PADI4: variants seen among roughly 807,000 people sequenced by gnomAD.
PADI4 encodes protein-arginine deiminase type-4.
Under a neutral mutation model 75.0 loss-of-function variants are expected in PADI4, and 62 were observed. The observed-to-expected ratio is 0.83, with a 90% confidence interval of 0.67 to 1.02. PADI4 has a LOEUF of 1.02. PADI4 is among the 50% of genes least tolerant of loss of function. PADI4 has a pLI of 0.00. For synonymous variants in PADI4, 361 were observed against 348.1 expected, an observed-to-expected ratio of 1.04 and a Z score of -0.41; for missense variants, 845 against 850.5, an observed-to-expected ratio of 0.99 and a Z score of 0.08.
At chr1:17,361,873 CAG>C (rs2074852691) in intron 15 of PADI4, among the ~76,000 whole-genome samples, 1 of 152,174 alleles carries the variant, frequency 6.6e-6, no homozygotes, top group South Asian at 2.1e-4. Context: ...GTCTAGTCAA[CAG>C]ATGTTTATTG....
intron 5 of PADI4, among the ~76,000 whole-genome samples, chr1:17,339,254 A>G (rs943811871): frequency 3.3e-5 from 5 of 152,140 alleles, no homozygotes; most frequent in African/African-American, 1.2e-4. Context: ...CTATTGTTCA[A>G]GTTGGTTCAC....
chr1:17,351,933 T>C (rs112815844), intron 10 of PADI4, among the ~76,000 whole-genome samples: 1,922 of 138,674 alleles, frequency 0.014, 67 homozygotes, highest in African/African-American at 0.044. Flanking sequence ...GGAGAGGCGG[T>C]CAGGGAGGTG....
chr1:17,321,304 A>G (rs1490584140), intron 1 of PADI4, among the ~76,000 whole-genome samples: 3 of 152,176 alleles, frequency 2.0e-5, no homozygotes, highest in Non-Finnish European at 4.4e-5. Flanking sequence ...CAGTCTGACC[A>G]TAGCACAGGG....
intron 1 of PADI4, among the ~76,000 whole-genome samples, chr1:17,321,209 A>T (rs1052628572): frequency 2.0e-5 from 3 of 152,154 alleles, no homozygotes; most frequent in Non-Finnish European, 2.9e-5. Flanking sequence ...GTGGGAAGGG[A>T]GAGCCCTCCA....
rs780300532 is a variant in PADI4 at position 17,336,209 on chromosome 1, A to G, written c.391A>G (p.Arg131Gly). The change falls in exon 4 of 16, where the codon AGA becomes GGA. Residue 131 changes from arginine (R) to glycine (G), a missense_variant. By Grantham distance (125) the Arg-to-Gly change is moderately radical. Transcript: ENST00000375448. ...CCGCACCGGCAAAGTGAAGCCAACC[A>G]GAGCTGTGAAAGATCAGGTACCACT... ...ITRTGKVKPT[R>G]AVKDQRTWTW... 6 of 1,613,258 alleles carry G rather than the reference A, an allele frequency of 3.7e-6. No individual in the cohort carries two copies. The highest frequency in any genetic ancestry group is 3.4e-6 in the Non-Finnish European group (4 of 1,179,300).
chr1:17,348,125 TC>T (rs1468514458), intron 10 of PADI4, 77 bp downstream of exon 10: 2 of 912,310 alleles, frequency 2.2e-6, no homozygotes, highest in Admixed American at 3.7e-5. Context: ...TAGCCTGCCT[TC>T]CCCGCCCGCG....
chr1:17,362,597 T>C (rs1230421915), intron 15 of PADI4, among the ~76,000 whole-genome samples: 4 of 152,090 alleles, frequency 2.6e-5, no homozygotes, highest in Admixed American at 2.6e-4. Context: ...CGATGTTCAT[T>C]GTTTGGGTAA....
At chr1:17,357,685 C>A (rs2074783018) in intron 13 of PADI4, among the ~76,000 whole-genome samples, 4 of 152,072 alleles carry the variant, frequency 2.6e-5, no homozygotes. Context: ...GTAATCCTAG[C>A]ACTTTGGGAG....
chr1:17,318,152 A>G (rs1245076320), intron 1 of PADI4, among the ~76,000 whole-genome samples: 4 of 152,168 alleles, frequency 2.6e-5, no homozygotes, highest in Non-Finnish European at 4.4e-5. Context: ...CGAAGACCAC[A>G]CTTTGGGAAG....
chr1:17,352,663 G>A (rs2074685693), intron 10 of PADI4, among the ~76,000 whole-genome samples: 2 of 152,192 alleles, frequency 1.3e-5, no homozygotes, highest in Non-Finnish European at 1.5e-5. Context: ...TCTGTGGGTG[G>A]CAGGCACCAT....
chr1:17,339,837 C>T lies in PADI4; in HGVS notation c.652+24C>T, dbSNP rs916562846. 4.4e-6 allele frequency: 7 copies of T among 1,576,308 alleles called. No individual in the cohort carries two copies. The African/African-American group carries it at 6.8e-5, about 15-fold the overall frequency. ...ACGTAAGTCATCCCCATCTTTGTTC[C>T]CCTCCTGCCCTGGCCAACGGGGCAC... On this transcript the variant is annotated intron_variant, in intron 6 of 15. Coordinates refer to ENST00000375448, the MANE Select transcript of PADI4 (RefSeq NM_012387.3).
At position 17,342,147 on chromosome 1, in the gene PADI4, C is replaced by T. The variant is rs201856795; in HGVS notation, c.831+26C>T. On this transcript the variant is annotated intron_variant, in intron 7 of 15. Coordinates refer to ENST00000375448, the MANE Select transcript of PADI4 (RefSeq NM_012387.3). ...GTAGGCCGAGAAGGCAGCCCTGCAT[C>T]GGGGGCCTGGGCTTCCAGGCAGTGG... is the stretch of plus-strand genomic sequence containing the variant. 6.0e-5 allele frequency: 97 copies of T among 1,607,198 alleles called. No individual in the cohort carries two copies. The East Asian group carries it at 1.3e-3, about 21-fold the overall frequency.
At chr1:17,343,951 A>C (rs756882054) in intron 8 of PADI4, among the ~76,000 whole-genome samples, 2 of 152,182 alleles carry the variant, frequency 1.3e-5, no homozygotes, top group African/African-American at 4.8e-5. Context: ...TGTGGAAGCA[A>C]CTTTGGAACT....
chr1:17,331,226 T>G, intron 2 of PADI4, 77 bp downstream of exon 2: 1 of 1,256,388 alleles, frequency 8.0e-7, no homozygotes. Context: ...CCTGCCGTGA[T>G]CCACAGCACC....
intron 3 of PADI4, 41 bp from the exon 4 acceptor site, chr1:17,336,118 G>A (rs1483459328): frequency 2.7e-6 from 4 of 1,478,838 alleles, no homozygotes; most frequent in Admixed American, 1.7e-5. Flanking sequence ...CCCCAACCCC[G>A]GACCCTCACC....
Position 17,351,041 on chromosome 1 carries a change from T to A in PADI4, c.1155+2993T>A, listed in dbSNP as rs186202505. ...GTCCCTACAAAAAAAAAAAAAAAATTGTTTCAATTAACTAGGCATGGTAAC... is the reference window on the plus strand; with the variant it reads ...GTCCCTACAAAAAAAAAAAAAAAATAGTTTCAATTAACTAGGCATGGTAAC... On this transcript the variant is annotated intron_variant, in intron 10 of 15. Transcript: ENST00000375448. 1.5e-3 allele frequency among the ~76,000 whole-genome samples: 180 copies of A among 118,384 alleles called. 38 individuals are homozygous for A. The highest frequency in any genetic ancestry group is 3.8e-4 in the Non-Finnish European group (20 of 53,016). 77.7% of individuals were successfully genotyped at this position (118,384 alleles called of 152,430 possible). A position where few individuals can be genotyped will look rare whatever the true frequency, so the allele number is the denominator to read the frequency against.
intron 1 of PADI4, among the ~76,000 whole-genome samples, chr1:17,320,436 G>A (rs899634847): frequency 1.3e-5 from 2 of 152,218 alleles, no homozygotes; most frequent in African/African-American, 2.4e-5. Context: ...AGTCCCAAAG[G>A]CTGCTGGTTG....
intron 3 of PADI4, chr1:17,334,905 G>T: frequency 1.2e-5 from 3 of 249,324 alleles, no homozygotes; most frequent in South Asian, 7.7e-5. Flanking sequence ...GCTTTGGAAG[G>T]CGGAGGCAGG....
intron 1 of PADI4, among the ~76,000 whole-genome samples, chr1:17,330,454 GA>G (rs2100700826): frequency 6.6e-6 from 1 of 152,350 alleles, no homozygotes; most frequent in Admixed American, 6.5e-5. Context: ...CTGGGGAAGA[GA>G]GAAGCTGGCA....
Sources: allele counts gnomAD v4.1 joint callset (sites outside exome capture counted in the v4.1 genomes callset), GRCh38; gene constraint gnomAD v4.1.1; transcripts MANE v1.5; gene names NCBI Gene and HGNC (gene_info 2026-07-23, HGNC 2026-07-21).